CNTN4: variants seen among roughly 807,000 people sequenced by gnomAD.
The protein encoded by CNTN4 is contactin-4.
A neutral mutation model predicts 122.5 loss-of-function variants in CNTN4; 77 were observed. The observed-to-expected ratio is 0.63, with a 90% CI of 0.52 to 0.76. The LOEUF (loss-of-function observed/expected upper bound fraction) is 0.76, where lower values mean the gene tolerates loss of function less well. Among genes scored for constraint, CNTN4 ranks in the 30% least tolerant of loss-of-function variants. CNTN4 has a pLI of 0.00. For synonymous variants in CNTN4, 512 were observed against 447.0 expected (o/e 1.15, Z -1.83); for missense variants, 1,256 against 1,259.1 (o/e 1.00, Z 0.04).
intron 17 of CNTN4, among the ~76,000 whole-genome samples, chr3:3,035,136 C>A (rs1260936601): frequency 6.6e-6 from 1 of 151,682 alleles, no homozygotes; most frequent in African/African-American, 2.4e-5. Context: ...GGCAAAACCC[C>A]CTCTCTACAA....
chr3:2,671,436 T>C (rs1435461211), intron 4 of CNTN4, among the ~76,000 whole-genome samples: 1 of 152,228 alleles, frequency 6.6e-6, no homozygotes, highest in Non-Finnish European at 1.5e-5. Flanking sequence ...GGTTTTCAGC[T>C]CCATCAGGTC....
intron 2 of CNTN4, among the ~76,000 whole-genome samples, chr3:2,178,710 A>G (rs905092022): frequency 1.3e-5 from 2 of 152,050 alleles, no homozygotes; most frequent in African/African-American, 4.8e-5. Context: ...TGATCTTAAG[A>G]CATTTTTACC....
At chr3:3,055,316 A>G (rs1290017967) in intron 24 of CNTN4, among the ~76,000 whole-genome samples, 1 of 152,184 alleles carries the variant, frequency 6.6e-6, no homozygotes, top group Non-Finnish European at 1.5e-5. Flanking sequence ...TTATCATTGC[A>G]GGGATTGACA....
chr3:2,797,834 A>T (rs1208978941), intron 6 of CNTN4, among the ~76,000 whole-genome samples: 1 of 151,994 alleles, frequency 6.6e-6, no homozygotes, highest in Non-Finnish European at 1.5e-5. Context: ...AATGTCTGTT[A>T]CACTATGACC....
At chr3:2,600,600 T>C (rs1439274895) in intron 4 of CNTN4, among the ~76,000 whole-genome samples, 1 of 152,226 alleles carries the variant, frequency 6.6e-6, no homozygotes, top group Non-Finnish European at 1.5e-5. Flanking sequence ...CAGTGTATCA[T>C]TGATGGACAT....
At chr3:2,703,410 C>T (rs2086469060) in intron 4 of CNTN4, among the ~76,000 whole-genome samples, 1 of 152,148 alleles carries the variant, frequency 6.6e-6, no homozygotes, top group African/African-American at 2.4e-5. Flanking sequence ...TCCATTAGCT[C>T]ATTTGATTTT....
At chr3:2,300,737 A>AT (rs1252000840) in intron 2 of CNTN4, among the ~76,000 whole-genome samples, 1 of 151,262 alleles carries the variant, frequency 6.6e-6, no homozygotes, top group Non-Finnish European at 1.5e-5. Context: ...ATGCCATCTA[A>AT]TTTTTTGTAT....
At chr3:2,526,254 T>C (rs1370389954) in intron 3 of CNTN4, among the ~76,000 whole-genome samples, 6 of 152,134 alleles carry the variant, frequency 3.9e-5, no homozygotes, top group Non-Finnish European at 7.3e-5. Context: ...CTGAGAATAC[T>C]CTGTTTCAGA....
chr3:2,546,183 A>G (rs115128924), intron 3 of CNTN4, among the ~76,000 whole-genome samples: 4,318 of 152,168 alleles, frequency 0.028, 89 homozygotes, highest in Middle Eastern at 0.054. Context: ...ACCCAAATGA[A>G]TATAAATCAT....
chr3:2,718,611 G>A (rs1413456069), intron 4 of CNTN4, among the ~76,000 whole-genome samples: 1 of 152,180 alleles, frequency 6.6e-6, no homozygotes, highest in Non-Finnish European at 1.5e-5. Flanking sequence ...TTTCCTGGGA[G>A]TAGGGAAGGA....
At chr3:2,116,526 G>A (rs2033364734) in intron 2 of CNTN4, among the ~76,000 whole-genome samples, 2 of 152,156 alleles carry the variant, frequency 1.3e-5, no homozygotes, top group South Asian at 2.1e-4. Context: ...AGTTGAATAG[G>A]CTCCCCATGT....
intron 4 of CNTN4, among the ~76,000 whole-genome samples, chr3:2,688,725 T>A (rs1205025313): frequency 6.6e-6 from 1 of 152,188 alleles, no homozygotes; most frequent in Non-Finnish European, 1.5e-5. Flanking sequence ...TTTCAGAGAA[T>A]GCCCATTTCC....
intron 3 of CNTN4, among the ~76,000 whole-genome samples, chr3:2,506,459 A>C (rs767735705): frequency 2.0e-5 from 3 of 152,236 alleles, no homozygotes; most frequent in Non-Finnish European, 4.4e-5. Context: ...AATGCATAGA[A>C]GTCTATAAGG....
At chr3:2,827,374 C>A (rs991049099) in intron 7 of CNTN4, among the ~76,000 whole-genome samples, 2 of 152,272 alleles carry the variant, frequency 1.3e-5, no homozygotes, top group Admixed American at 1.3e-4. Flanking sequence ...AATGTGGCAG[C>A]AATTTGCACA....
chr3:2,517,026 G>T (rs1182732853), intron 3 of CNTN4, among the ~76,000 whole-genome samples: 1 of 152,260 alleles, frequency 6.6e-6, no homozygotes, highest in African/African-American at 2.4e-5. Flanking sequence ...AAGGAAAATT[G>T]TGAGTGAATG....
intron 13 of CNTN4, among the ~76,000 whole-genome samples, chr3:2,929,764 C>T (rs1204122279): frequency 1.3e-5 from 2 of 152,172 alleles, no homozygotes; most frequent in South Asian, 2.1e-4. Flanking sequence ...ATCAGGCAGA[C>T]GTGAGTCATG....
intron 2 of CNTN4, among the ~76,000 whole-genome samples, chr3:2,208,730 C>T (rs1307362415): frequency 6.6e-6 from 1 of 152,086 alleles, no homozygotes; most frequent in Non-Finnish European, 1.5e-5. Context: ...GAAATGGCCA[C>T]AGTGACCCCA....
intron 4 of CNTN4, among the ~76,000 whole-genome samples, chr3:2,634,814 C>G (rs1377770614): frequency 1.3e-5 from 2 of 151,860 alleles, no homozygotes; most frequent in East Asian, 3.9e-4. Flanking sequence ...CAAGATCACA[C>G]CACTGTACTC....
At chr3:2,758,206 C>A (rs1365517483) in intron 6 of CNTN4, among the ~76,000 whole-genome samples, 3 of 152,236 alleles carry the variant, frequency 2.0e-5, no homozygotes, top group African/African-American at 7.2e-5. Flanking sequence ...CTACTTTCTT[C>A]TCAAATGCTG....
Sources: gnomAD v4.1 joint callset for allele counts (sites outside exome capture counted in the v4.1 genomes callset) on GRCh38, gnomAD v4.1.1 for gene constraint, MANE v1.5 for transcripts, NCBI Gene and HGNC (gene_info 2026-07-23, HGNC 2026-07-21) for gene names.